CFAP61: variants seen among roughly 807,000 people sequenced by gnomAD.
CFAP61 encodes cilia and flagella associated protein 61.
CFAP61 carries 107 observed loss-of-function variants against 135.6 expected under a neutral mutation model. The observed-to-expected ratio is 0.79, with a 90% CI of 0.67 to 0.93. The LOEUF is 0.93. Ranked by LOEUF, CFAP61 falls within the 40% of genes least tolerant of loss-of-function variation. The pLI is 0.00. For synonymous variants in CFAP61, 575 were observed against 578.5 expected (o/e 0.99, Z 0.09); for missense variants, 1,507 against 1,556.2 (o/e 0.97, Z 0.53).
intron 1 of CFAP61, among the ~76,000 whole-genome samples, chr20:20,056,199 C>T (rs962469804): frequency 6.6e-6 from 1 of 152,212 alleles, no homozygotes; most frequent in African/African-American, 2.4e-5. Flanking sequence ...AGACTGCTGA[C>T]CTTCAGGGCT....
intron 13 of CFAP61, among the ~76,000 whole-genome samples, chr20:20,182,318 GTA>G (rs2055164642): frequency 3.3e-5 from 5 of 152,226 alleles, no homozygotes; most frequent in African/African-American, 9.6e-5. Flanking sequence ...GAATAAAATA[GTA>G]TGCATCCTTA....
intron 7 of CFAP61, among the ~76,000 whole-genome samples, chr20:20,096,028 A>G (rs2047541537): frequency 6.6e-6 from 1 of 152,186 alleles, no homozygotes; most frequent in Non-Finnish European, 1.5e-5. Context: ...CAAAACCTTC[A>G]GTTTTGTTCT....
chr20:20,072,139 G>A, intron 3 of CFAP61, among the ~76,000 whole-genome samples: 2 of 101,498 alleles, frequency 2.0e-5, no homozygotes, highest in East Asian at 2.3e-4. Context: ...TTTTGAGATG[G>A]AGTCTCACTC....
At chr20:20,154,355 G>C (rs1223725303) in intron 9 of CFAP61, among the ~76,000 whole-genome samples, 2 of 152,042 alleles carry the variant, frequency 1.3e-5, no homozygotes, top group Non-Finnish European at 2.9e-5. Context: ...GTCCTAGCCA[G>C]AGCAATTAGA....
chr20:20,231,422 G>A (rs988881830), intron 18 of CFAP61, among the ~76,000 whole-genome samples: 1 of 152,198 alleles, frequency 6.6e-6, no homozygotes, highest in East Asian at 1.9e-4. Flanking sequence ...TTCCCCTGCT[G>A]TCCTCCGTGC....
chr20:20,223,588 T>A (rs1461514986), intron 17 of CFAP61, among the ~76,000 whole-genome samples: 3 of 152,250 alleles, frequency 2.0e-5, no homozygotes, highest in Non-Finnish European at 1.5e-5. Context: ...CGATTTTGAA[T>A]CTAACATTGA....
rs561110415 is a variant in CFAP61, at chr20:20,237,652, A to G, written c.2061-8465A>G. On this transcript the variant is annotated intron_variant, in intron 18 of 26. Coordinates refer to ENST00000245957, the MANE Select transcript of CFAP61 (RefSeq NM_015585.4). ...TAACAACAAAAATGGATTGAGTACT[A>G]TTAACACACTCGAACAAATACCCCA... is the stretch of plus-strand genomic sequence containing the variant. 3.5e-4 allele frequency among the ~76,000 whole-genome samples: 54 copies of G among 152,302 alleles called. No individual in the cohort carries two copies. In the South Asian group the frequency reaches 5.6e-3, roughly 16 times the overall value.
chr20:20,235,731 T>C (rs1418448727), intron 18 of CFAP61, among the ~76,000 whole-genome samples: 3 of 152,134 alleles, frequency 2.0e-5, no homozygotes, highest in Non-Finnish European at 4.4e-5. Context: ...AATAAGGACA[T>C]ATCAAACTGC....
At chr20:20,247,790 C>T (rs2050579021) in intron 19 of CFAP61, among the ~76,000 whole-genome samples, 1 of 152,168 alleles carries the variant, frequency 6.6e-6, no homozygotes, top group East Asian at 1.9e-4. Context: ...TCAGATGCAA[C>T]GGGCAAGTCC....
At chr20:20,116,173 C>A (rs923636579) in intron 8 of CFAP61, among the ~76,000 whole-genome samples, 2 of 152,194 alleles carry the variant, frequency 1.3e-5, no homozygotes, top group Non-Finnish European at 2.9e-5. Flanking sequence ...TTTTGATTTG[C>A]ATCTCTGTGA....
intron 13 of CFAP61, among the ~76,000 whole-genome samples, chr20:20,181,439 G>A (rs889525567): frequency 2.0e-5 from 3 of 151,918 alleles, no homozygotes; most frequent in Non-Finnish European, 4.4e-5. Flanking sequence ...GATCCTTGAG[G>A]TCAAAGTCAG....
intron 6 of CFAP61, among the ~76,000 whole-genome samples, chr20:20,088,999 G>A (rs758334572): frequency 2.0e-5 from 3 of 152,188 alleles, no homozygotes; most frequent in East Asian, 1.9e-4. Context: ...AAGTGCAGCT[G>A]TGGCAGGATC....
chr20:20,056,599 T>A lies in CFAP61; in HGVS notation c.-36-19T>A. On this transcript the variant is annotated intron_variant, in intron 1 of 26. Transcript: ENST00000245957. Reference sequence around the variant, plus strand: ...TGTGTGTATTATAACCAAACTGGCTTATCATATCAGATTAATAGTGGACTT... The same window carrying A: ...TGTGTGTATTATAACCAAACTGGCTAATCATATCAGATTAATAGTGGACTT... 3.8e-6 allele frequency: 6 copies of A among 1,571,656 alleles called. No individual in the cohort carries two copies. The highest frequency in any genetic ancestry group is 5.2e-6 in the Non-Finnish European group (6 of 1,148,386).
chr20:20,085,233 C>T, intron 6 of CFAP61: 1 of 985,416 alleles, frequency 1.0e-6, no homozygotes, highest in Non-Finnish European at 1.2e-6. Flanking sequence ...AGGCAGCGCT[C>T]ATTGCCTCAG....
intron 25 of CFAP61, among the ~76,000 whole-genome samples, chr20:20,312,859 C>G (rs560644449): frequency 3.3e-5 from 5 of 152,116 alleles, no homozygotes; most frequent in African/African-American, 7.2e-5. Flanking sequence ...GTAACAGCTC[C>G]GGACTAATAA....
At position 20,263,039 on chromosome 20, in the gene CFAP61, G is replaced by T; in HGVS notation, c.2412G>T (p.Gly804=). 2 of 1,614,048 alleles carry T rather than the reference G, an allele frequency of 1.2e-6. No individual in the cohort carries two copies. The highest frequency in any genetic ancestry group is 1.7e-6 in the Non-Finnish European group (2 of 1,179,952). ...ACAGCAGTCAGCGGCGGTACACGGG[G>T]AAAGTTCCTTGCAACCATTTCACTC... ...VPNSSQRRYT[G]KVPCNHFTLN... Residue 804 remains glycine (G), a synonymous_variant, in exon 21 of 27, where the codon GGG becomes GGT. Coordinates refer to ENST00000245957, the MANE Select transcript of CFAP61 (RefSeq NM_015585.4).
At chr20:20,280,370 C>T (rs527345201) in intron 22 of CFAP61, among the ~76,000 whole-genome samples, 2 of 152,296 alleles carry the variant, frequency 1.3e-5, no homozygotes, top group African/African-American at 4.8e-5. Context: ...CCTGACAATA[C>T]TTGGATTCTC....
intron 26 of CFAP61, among the ~76,000 whole-genome samples, chr20:20,346,979 T>C (rs2058657907): frequency 6.6e-6 from 1 of 152,204 alleles, no homozygotes; most frequent in Non-Finnish European, 1.5e-5. Flanking sequence ...ACACGGAACA[T>C]TCTCCAGGAT....
chr20:20,216,022 TA>T (rs2048019268), intron 17 of CFAP61, among the ~76,000 whole-genome samples: 1 of 152,238 alleles, frequency 6.6e-6, no homozygotes, highest in African/African-American at 2.4e-5. Context: ...ATGCATGGCT[TA>T]AAATCCATTA....
Sources: gnomAD v4.1 joint callset for allele counts (sites outside exome capture counted in the v4.1 genomes callset) on GRCh38, gnomAD v4.1.1 for gene constraint, MANE v1.5 for transcripts, NCBI Gene and HGNC (gene_info 2026-07-23, HGNC 2026-07-21) for gene names.